The following SPTBN4 variants were observed in gnomAD, a reference collection of about 807,000 sequenced individuals.
SPTBN4 encodes the protein spectrin beta chain, non-erythrocytic 4.
Under a neutral mutation model 277.8 loss-of-function variants are expected in SPTBN4, and 96 were observed. That is an observed-to-expected ratio of 0.35 (90% CI 0.29 to 0.41). SPTBN4 has a LOEUF of 0.41. SPTBN4 is among the 10% of genes least tolerant of loss of function. SPTBN4 has a pLI of 1.00. For missense variants in SPTBN4, 3,006 were observed against 3,595.7 expected, an observed-to-expected ratio of 0.84 and a Z score of 4.19; for synonymous variants, 1,481 against 1,580.3, an observed-to-expected ratio of 0.94 and a Z score of 1.49.
intron 7 of SPTBN4, among the ~76,000 whole-genome samples, chr19:40,499,263 C>T (rs1026364930): frequency 1.3e-5 from 2 of 150,966 alleles, no homozygotes; most frequent in Admixed American, 1.3e-4. Flanking sequence ...TAGTCTCAAA[C>T]TCCTGACTTC....
chr19:40,552,270 A>G (rs2145927526), intron 22 of SPTBN4, among the ~76,000 whole-genome samples: 1 of 152,116 alleles, frequency 6.6e-6, no homozygotes, highest in Non-Finnish European at 1.5e-5. Context: ...CCTGGCTAAC[A>G]CGGTGAAACC....
At chr19:40,549,468 A>G in intron 21 of SPTBN4, 55 bp downstream of exon 21, 3 of 876,896 alleles carry the variant, frequency 3.4e-6, no homozygotes, top group South Asian at 4.1e-5. Context: ...GGGGCGGAGA[A>G]GGTGGGCATG....
rs749678269 is a variant in SPTBN4 at position 40,570,442 on chromosome 19, C to T, written c.7033C>T (p.Leu2345=). 117 of 1,565,710 alleles carry T rather than the reference C, an allele frequency of 7.5e-5. No homozygotes were observed. The highest frequency in any genetic ancestry group is 9.7e-5 in the Non-Finnish European group (113 of 1,164,854). ...AGPGLPAGPS[L]PQPRELPPGR... Reference sequence around the variant, plus strand: ...TCCCCCTCCCTTCACACAGCCGTCGCTGCCTCAGCCACGCGAGCTTCCCCC... The same window carrying T: ...TCCCCCTCCCTTCACACAGCCGTCGTTGCCTCAGCCACGCGAGCTTCCCCC... Residue 2345 remains leucine (L), a synonymous_variant, in exon 33 of 36, where the codon CTG becomes TTG. Transcript: ENST00000598249.
At chr19:40,473,358 T>TG (rs1442182989) in intron 2 of SPTBN4, among the ~76,000 whole-genome samples, 3 of 146,508 alleles carry the variant, frequency 2.0e-5, no homozygotes, top group Non-Finnish European at 4.5e-5. Flanking sequence ...CCTGGTGTTT[T>TG]TTTTTTTTTT....
At chr19:40,488,826 A>T (rs997465222) in intron 3 of SPTBN4, among the ~76,000 whole-genome samples, 8 of 149,732 alleles carry the variant, frequency 5.3e-5, no homozygotes, top group South Asian at 2.1e-4. Context: ...TTTTTTCTTA[A>T]TTTTTTTATT....
chr19:40,548,829 G>A (rs2080885290), intron 20 of SPTBN4, among the ~76,000 whole-genome samples: 1 of 152,102 alleles, frequency 6.6e-6, no homozygotes, highest in Non-Finnish European at 1.5e-5. Flanking sequence ...TTCCTCCTCT[G>A]TAAAACAGGG....
chr19:40,498,679 C>G (rs1256792607), intron 7 of SPTBN4, among the ~76,000 whole-genome samples: 1 of 151,064 alleles, frequency 6.6e-6, no homozygotes, highest in Non-Finnish European at 1.5e-5. Flanking sequence ...GCTGGGATTA[C>G]AGGCATGAGC....
rs1237878710 is a variant in SPTBN4 at position 40,498,834 on chromosome 19, TG to T, written c.784+1233del. ...CTCCCATCTCAGCCTCCCAAGTAGC[TG>T]GGACTACAGGTGTGCACCATCACAC... On this transcript the variant is annotated intron_variant, in intron 7 of 35. Transcript: ENST00000598249. Among the ~76,000 whole-genome samples, 8 of 152,118 alleles carry T rather than the reference TG, an allele frequency of 5.3e-5. No homozygotes were observed. The East Asian group carries it at 1.5e-3, about 29-fold the overall frequency.
At chr19:40,494,797 A>C in intron 5 of SPTBN4, 100 bp from the exon 6 acceptor site, 1 of 1,022,586 alleles carries the variant, frequency 9.8e-7, no homozygotes, top group Non-Finnish European at 1.5e-6. Flanking sequence ...CCTCTCTCTC[A>C]TCTTCCTTCC....
intron 1 of SPTBN4, 69 bp downstream of exon 1, chr19:40,467,374 G>C (rs1185595424): frequency 1.3e-5 from 2 of 152,176 alleles, no homozygotes; most frequent in Non-Finnish European, 2.9e-5. Flanking sequence ...TCCCTCCTCC[G>C]CGCGCACGGG....
chr19:40,538,542 G>A (rs1426288664), intron 20 of SPTBN4, among the ~76,000 whole-genome samples: 3 of 152,212 alleles, frequency 2.0e-5, no homozygotes, highest in African/African-American at 7.2e-5. Flanking sequence ...TGCCCGTGCA[G>A]TGACACAGGG....
At position 40,512,659 on chromosome 19, in the gene SPTBN4, G is replaced by A. The variant is rs868200942; in HGVS notation, c.1870G>A (p.Gly624Ser). The A allele has an allele frequency of 6.5e-7, 1 of 1,539,268 alleles. No homozygotes were observed. The highest frequency in any genetic ancestry group is 8.7e-7 in the Non-Finnish European group (1 of 1,149,910). Reference sequence around the variant, plus strand: ...CTGCAACCGCGTGAACCACGTGCACGGCTGCCTGGCGGAGCTGCAGGAGCA... The same window carrying A: ...CTGCAACCGCGTGAACCACGTGCACAGCTGCCTGGCGGAGCTGCAGGAGCA... ...VICNRVNHVH[G>S]CLAELQEQAA... Residue 624 changes from glycine to serine, a missense_variant, in exon 14 of 36, where the codon GGC (glycine) becomes AGC (serine). Gly to Ser is a moderately conservative substitution (Grantham distance 56). Transcript: ENST00000598249.
intron 35 of SPTBN4, among the ~76,000 whole-genome samples, chr19:40,573,556 C>T (rs530128086): frequency 7.9e-5 from 12 of 152,294 alleles, no homozygotes; most frequent in South Asian, 4.1e-4. Flanking sequence ...CCTGGCTGGG[C>T]GCAGTGGCTT....
intron 30 of SPTBN4, chr19:40,567,221 A>T (rs1167105953): frequency 4.6e-6 from 2 of 435,078 alleles, no homozygotes; most frequent in Non-Finnish European, 9.3e-6. Flanking sequence ...TCACTTGAGC[A>T]CTGGAGGTCA....
intron 19 of SPTBN4, 67 bp from the exon 20 acceptor site, chr19:40,534,013 A>G (rs1052836641): frequency 6.2e-5 from 93 of 1,507,176 alleles, no homozygotes; most frequent in Non-Finnish European, 8.1e-5. Context: ...ACTCTCCCAC[A>G]CTTCTCTGAT....
chr19:40,482,349 G>A (rs2080021854), intron 2 of SPTBN4, among the ~76,000 whole-genome samples: 1 of 152,148 alleles, frequency 6.6e-6, no homozygotes, highest in Admixed American at 6.6e-5. Context: ...GGGATAATGG[G>A]CATGAGCCAC....
rs770678990 is a variant in SPTBN4, at chr19:40,556,267, C to G, written c.5268C>G (p.Gly1756=). 1 of 1,612,424 alleles carries G rather than the reference C, an allele frequency of 6.2e-7. No homozygotes were observed. Among genetic ancestry groups the G allele is most frequent in the Non-Finnish European group, 8.5e-7 (1 of 1,179,336 alleles). Residue 1756 remains glycine (G), a synonymous_variant, in exon 25 of 36, where the codon GGC becomes GGG. Coordinates refer to ENST00000598249, the MANE Select transcript of SPTBN4 (RefSeq NM_020971.3). ...TGGTGGCTGGCTCACCCGAGCTCGGCCAGGACTTTGAGCATGTCTCGGTGA... is the reference window on the plus strand; with the variant it reads ...TGGTGGCTGGCTCACCCGAGCTCGGGCAGGACTTTGAGCATGTCTCGGTGA... ...KEVVAGSPEL[G]QDFEHVSVLQ...
At chr19:40,548,242 C>G (rs914162880) in intron 20 of SPTBN4, among the ~76,000 whole-genome samples, 1 of 152,180 alleles carries the variant, frequency 6.6e-6, no homozygotes, top group Admixed American at 6.5e-5. Context: ...AATCCCAGCA[C>G]TTTGGGAGGC....
rs535252714 is a variant in SPTBN4, at chr19:40,560,761, G to A, written c.5915+358G>A. The A allele has an allele frequency of 1.2e-4, 157 of 1,308,302 alleles. 2 individuals are homozygous for A. In the South Asian group the frequency reaches 2.7e-3, roughly 23 times the overall value. 81.0% of individuals were successfully genotyped at this position (1,308,302 alleles called of 1,614,324 possible). On this transcript the variant is annotated intron_variant, in intron 27 of 35. Coordinates refer to ENST00000598249, the MANE Select transcript of SPTBN4 (RefSeq NM_020971.3). The surrounding 1 kb of genome is among the most constrained non-coding windows in gnomAD (Gnocchi z 5.2). ...GAATTCTAACAATTCCAGCATCTCA[G>A]TGGCTTCATTAGTGGGCATGGGCTT...
Sources: gnomAD v4.1 joint callset for allele counts (sites outside exome capture counted in the v4.1 genomes callset) on GRCh38, gnomAD v4.1.1 for gene constraint, Gnocchi (gnomAD v3.1) non-coding constraint, MANE v1.5 for transcripts, NCBI Gene and HGNC (gene_info 2026-07-23, HGNC 2026-07-21) for gene names.